Variants in EPHA6 observed in about 807,000 individuals in gnomAD.
The protein encoded by EPHA6 is ephrin type-A receptor 6.
EPHA6 carries 50 observed loss-of-function variants against 112.0 expected under a neutral mutation model. The observed-to-expected ratio is 0.45, with a 90% CI of 0.36 to 0.56. EPHA6 has a LOEUF of 0.56. Ranked by LOEUF, EPHA6 falls within the 20% of genes least tolerant of loss-of-function variation. The pLI is 0.00. For missense variants in EPHA6, 1,280 were observed against 1,417.4 expected, an observed-to-expected ratio of 0.90 and a Z score of 1.56; for synonymous variants, 529 against 490.7, an observed-to-expected ratio of 1.08 and a Z score of -1.03.
chr3:97,686,941 G>C (rs961975809), intron 14 of EPHA6, among the ~76,000 whole-genome samples: 1 of 152,102 alleles, frequency 6.6e-6, no homozygotes, highest in Admixed American at 6.6e-5. Flanking sequence ...TTTTGTGGGG[G>C]GAAATTCTTT....
chr3:97,046,390 TGGCAAAGTAAAAATAGAACAC>T (rs1481515445), intron 3 of EPHA6, among the ~76,000 whole-genome samples: 3 of 152,130 alleles, frequency 2.0e-5, no homozygotes, highest in Admixed American at 1.3e-4. Context: ...TAAAAACTGT[TGGCAAAGTAAAAATAGAACAC>T]AATGTCCTTA....
At chr3:96,978,109 A>T (rs1436068256) in intron 2 of EPHA6, among the ~76,000 whole-genome samples, 1 of 152,156 alleles carries the variant, frequency 6.6e-6, no homozygotes, top group East Asian at 1.9e-4. Flanking sequence ...GCAGTGACCA[A>T]AAATTGCGCC....
intron 10 of EPHA6, among the ~76,000 whole-genome samples, chr3:97,518,071 C>A (rs545869066): frequency 6.6e-6 from 1 of 152,260 alleles, no homozygotes; most frequent in South Asian, 2.1e-4. Flanking sequence ...GCAGATAGCT[C>A]ATCAGCATAT....
chr3:96,859,911 G>A (rs532136357), intron 1 of EPHA6, among the ~76,000 whole-genome samples: 9 of 152,164 alleles, frequency 5.9e-5, no homozygotes, highest in African/African-American at 1.9e-4. Flanking sequence ...TTTTTTGTCT[G>A]CACCTTCTAA....
chr3:97,094,504 G>C (rs951229296), intron 3 of EPHA6, among the ~76,000 whole-genome samples: 2 of 152,124 alleles, frequency 1.3e-5, no homozygotes, highest in African/African-American at 4.8e-5. Context: ...CTTAAAGATT[G>C]TGTTGTTGCA....
chr3:97,063,371 A>G (rs2046083252), intron 3 of EPHA6, among the ~76,000 whole-genome samples: 1 of 152,244 alleles, frequency 6.6e-6, no homozygotes, highest in Non-Finnish European at 1.5e-5. Context: ...CTATGCAGCC[A>G]TAAAAAGGAA....
chr3:96,987,753 G>A lies in EPHA6; in HGVS notation c.874G>A (p.Val292Ile). ...AGACATTGGGGCGTGCATTGCCCTG[G>A]TTTCAGTCCGTGTTTTCTACAAGAA... ...FQDIGACIAL[V>I]SVRVFYKKCP... Residue 292 changes from valine to isoleucine, a missense_variant, in exon 3 of 18, where the codon GTT becomes ATT. By Grantham distance (29) the Val-to-Ile change is conservative (BLOSUM62 3). Transcript: ENST00000389672. 1.2e-6 allele frequency: 2 copies of A among 1,613,654 alleles called. No individual in the cohort carries two copies. Among genetic ancestry groups the A allele is most frequent in the Non-Finnish European group, 1.7e-6 (2 of 1,179,782 alleles).
chr3:97,429,951 C>A (rs147675454), intron 6 of EPHA6, among the ~76,000 whole-genome samples: 7 of 152,290 alleles, frequency 4.6e-5, no homozygotes, highest in Non-Finnish European at 1.0e-4. Flanking sequence ...CCATGAGAAT[C>A]TCTGCTCTAG....
At chr3:96,918,051 T>C (rs2039575189) in intron 2 of EPHA6, among the ~76,000 whole-genome samples, 1 of 152,196 alleles carries the variant, frequency 6.6e-6, no homozygotes, top group Non-Finnish European at 1.5e-5. Context: ...TACTACTTTA[T>C]ATGTTTTTAG....
intron 12 of EPHA6, among the ~76,000 whole-genome samples, chr3:97,608,235 A>T (rs886516870): frequency 7.3e-5 from 11 of 151,296 alleles, no homozygotes; most frequent in African/African-American, 2.4e-4. Flanking sequence ...ATTATTCTTA[A>T]TGAGAAGATA....
chr3:96,901,446 T>C (rs528564682), intron 2 of EPHA6, among the ~76,000 whole-genome samples: 1 of 152,124 alleles, frequency 6.6e-6, no homozygotes, highest in African/African-American at 2.4e-5. Flanking sequence ...CAGGACTGGA[T>C]TGAGAAAAGA....
intron 14 of EPHA6, among the ~76,000 whole-genome samples, chr3:97,641,862 GA>G (rs2094009220): frequency 6.6e-6 from 1 of 151,956 alleles, no homozygotes; most frequent in African/African-American, 2.4e-5. Context: ...GAGGCTGGGG[GA>G]GGGGCGCCCG....
At chr3:97,417,844 G>T (rs1470741152) in intron 6 of EPHA6, among the ~76,000 whole-genome samples, 1 of 152,128 alleles carries the variant, frequency 6.6e-6, no homozygotes, top group African/African-American at 2.4e-5. Flanking sequence ...TATAGACATA[G>T]AAGTAAATCC....
At chr3:97,218,706 A>T (rs754131685) in intron 3 of EPHA6, among the ~76,000 whole-genome samples, 3 of 152,082 alleles carry the variant, frequency 2.0e-5, no homozygotes, top group African/African-American at 7.2e-5. Context: ...CCCTGGCCCC[A>T]CCCAAATATC....
At chr3:97,091,467 T>A (rs971950782) in intron 3 of EPHA6, among the ~76,000 whole-genome samples, 7 of 152,140 alleles carry the variant, frequency 4.6e-5, no homozygotes, top group Non-Finnish European at 1.0e-4. Flanking sequence ...AAAAACTGTT[T>A]ATGTAAAGCT....
At chr3:97,713,745 G>T (rs1453697334) in intron 14 of EPHA6, among the ~76,000 whole-genome samples, 2 of 152,140 alleles carry the variant, frequency 1.3e-5, no homozygotes, top group African/African-American at 4.8e-5. Flanking sequence ...CTCAGAAAGA[G>T]AATAGAAACA....
chr3:97,129,462 ACT>A (rs1425599980), intron 3 of EPHA6, among the ~76,000 whole-genome samples: 2 of 151,906 alleles, frequency 1.3e-5, no homozygotes, highest in Non-Finnish European at 2.9e-5. Flanking sequence ...AGATCGTGCC[ACT>A]GCTCTCCAGC....
In EPHA6 at chr3:97,077,388, C is replaced by T. The variant is rs182384950; in HGVS notation, c.1114+89395C>T. The stretch of plus-strand genomic sequence containing the variant: ...GCTTGAAGGTATAACGGAACAGATG[C>T]AATCTATATATATATATATACTTTA... On this transcript the variant is annotated intron_variant, in intron 3 of 17. Transcript: ENST00000389672. 4.9e-3 allele frequency among the ~76,000 whole-genome samples: 747 copies of T among 151,786 alleles called. 6 individuals carry two copies. Among genetic ancestry groups the T allele is most frequent in the African/African-American group, 0.016 (658 of 41,288 alleles).
chr3:97,568,347 C>A (rs1185599292), intron 11 of EPHA6, among the ~76,000 whole-genome samples: 1 of 152,146 alleles, frequency 6.6e-6, no homozygotes, highest in Admixed American at 6.5e-5. Flanking sequence ...TAGGAGTGAT[C>A]TTTATAAAAT....
Sources: allele counts gnomAD v4.1 joint callset (sites outside exome capture counted in the v4.1 genomes callset), GRCh38; gene constraint gnomAD v4.1.1; transcripts MANE v1.5; gene names NCBI Gene and HGNC (gene_info 2026-07-23, HGNC 2026-07-21).